C2CD5: variants seen among roughly 807,000 people sequenced by gnomAD.
The protein encoded by C2CD5 is C2 calcium dependent domain containing 5, also known as C2 domain-containing protein 5.
A neutral mutation model predicts 130.3 loss-of-function variants in C2CD5; 109 were observed. That is an observed-to-expected ratio of 0.84 (90% CI 0.72 to 0.98). The LOEUF (loss-of-function observed/expected upper bound fraction) is 0.98. Ranked by LOEUF, C2CD5 falls within the 50% of genes least tolerant of loss-of-function variation. The pLI is 0.00. For missense variants in C2CD5, 996 were observed against 1,261.8 expected (o/e 0.79, Z 3.19); for synonymous variants, 454 against 429.2 (o/e 1.06, Z -0.71).
At chr12:22,511,486 C>T (rs1949189435) in intron 9 of C2CD5, among the ~76,000 whole-genome samples, 1 of 152,140 alleles carries the variant, frequency 6.6e-6, no homozygotes, top group South Asian at 2.1e-4. Flanking sequence ...TAAGTAACTG[C>T]TACTTCGAGG....
chr12:22,534,687 T>A (rs963096395), intron 3 of C2CD5: 1 of 152,514 alleles, frequency 6.6e-6, no homozygotes, highest in African/African-American at 2.4e-5. Flanking sequence ...ACAAGTATTA[T>A]ATGACTCCAT....
intron 25 of C2CD5, among the ~76,000 whole-genome samples, chr12:22,454,388 T>C (rs1939358246): frequency 6.6e-6 from 1 of 152,170 alleles, no homozygotes; most frequent in Admixed American, 6.5e-5. Flanking sequence ...CATATCATGC[T>C]CATCATCATT....
At chr12:22,468,070 CTT>C (rs78542498) in intron 22 of C2CD5, among the ~76,000 whole-genome samples, 67 of 120,564 alleles carry the variant, frequency 5.6e-4, no homozygotes, top group Non-Finnish European at 8.4e-4. Flanking sequence ...GGTTTTAGGG[CTT>C]TTTTTTTTTT....
chr12:22,519,848 T>C (rs1950109040), intron 7 of C2CD5, among the ~76,000 whole-genome samples: 1 of 152,028 alleles, frequency 6.6e-6, no homozygotes, highest in Admixed American at 6.5e-5. Flanking sequence ...ATATATAGCT[T>C]AAAATCAGGT....
At chr12:22,469,096 C>A (rs147104312) in intron 22 of C2CD5, among the ~76,000 whole-genome samples, 2,492 of 151,900 alleles carry the variant, frequency 0.016, 72 homozygotes, top group African/African-American at 0.058. Context: ...AAAACAATAC[C>A]TCCCACTTTT....
intron 3 of C2CD5, among the ~76,000 whole-genome samples, chr12:22,533,725 G>C (rs754849755): frequency 2.0e-5 from 3 of 152,206 alleles, no homozygotes; most frequent in Non-Finnish European, 4.4e-5. Flanking sequence ...GAGGAGATGG[G>C]AGGCTCTCCT....
At chr12:22,486,518 A>G (rs956231256) in intron 12 of C2CD5, among the ~76,000 whole-genome samples, 2 of 152,172 alleles carry the variant, frequency 1.3e-5, no homozygotes, top group African/African-American at 4.8e-5. Flanking sequence ...AATAAATACA[A>G]CTGCTGAGGA....
At chr12:22,450,084 G>C (rs1031801125) in intron 26 of C2CD5, among the ~76,000 whole-genome samples, 193 bp from the exon 27 acceptor site, 3 of 152,104 alleles carry the variant, frequency 2.0e-5, no homozygotes, top group Admixed American at 6.6e-5. Context: ...AGGAGCTCCT[G>C]TGAACATATG....
chr12:22,518,182 G>A, intron 7 of C2CD5, 45 bp from the exon 8 acceptor site: 1 of 1,573,830 alleles, frequency 6.4e-7, no homozygotes. Flanking sequence ...ATGTGCCAAA[G>A]GACTTGACAG....
chr12:22,529,959 A>G (rs1329002831), intron 3 of C2CD5, among the ~76,000 whole-genome samples: 1 of 151,724 alleles, frequency 6.6e-6, no homozygotes, highest in East Asian at 1.9e-4. Context: ...CTATGTATAG[A>G]TGATGGAGTC....
chr12:22,494,386 A>G (rs1475075734), intron 10 of C2CD5, among the ~76,000 whole-genome samples: 1 of 152,116 alleles, frequency 6.6e-6, no homozygotes, highest in Admixed American at 6.6e-5. Flanking sequence ...ATTGCAGTAT[A>G]TATCCAATTT....
intron 14 of C2CD5, among the ~76,000 whole-genome samples, chr12:22,481,134 G>A (rs889746622): frequency 9.2e-5 from 14 of 152,026 alleles, no homozygotes; most frequent in Non-Finnish European, 1.6e-4. Flanking sequence ...TATGAACCAA[G>A]TTACCTAATT....
chr12:22,476,098 G>C (rs747744076), intron 15 of C2CD5, among the ~76,000 whole-genome samples: 61 of 152,260 alleles, frequency 4.0e-4, no homozygotes, highest in Non-Finnish European at 7.2e-4. Flanking sequence ...GTTATTCTGA[G>C]AGATGTGCAT....
chr12:22,507,624 C>A (rs17339766), intron 9 of C2CD5, among the ~76,000 whole-genome samples: 12,870 of 152,116 alleles, frequency 0.085, 869 homozygotes, highest in Admixed American at 0.18. Flanking sequence ...AATAAGAAAA[C>A]GGAGCTCCTG....
Position 22,471,436 on chromosome 12 carries a change from T to C in C2CD5, c.2321A>G (p.Asn774Ser), listed in dbSNP as rs781732179. The C allele has an allele frequency of 3.8e-6, 6 of 1,599,456 alleles. No individual in the cohort carries two copies. Among genetic ancestry groups the C allele is most frequent in the South Asian group, 3.3e-5 (3 of 90,366 alleles). ...SMIPCCLCHV[N>S]FTVSLPEDEL... ...ATCTTCAGGCAGAGATACTGTAAAA[T>C]TTACATGGCAAAGGCAGCAGGGGAT... Residue 774 changes from asparagine (N) to serine (S), a missense_variant, in exon 20 of 27, where the codon AAT (asparagine) becomes AGT (serine). By Grantham distance (46) the Asn-to-Ser change is conservative (BLOSUM62 1). Coordinates refer to ENST00000446597, the MANE Select transcript of C2CD5 (RefSeq NM_001286176.2).
intron 6 of C2CD5, among the ~76,000 whole-genome samples, chr12:22,524,162 T>C (rs1488444734): frequency 6.6e-6 from 1 of 152,054 alleles, no homozygotes; most frequent in Non-Finnish European, 1.5e-5. Flanking sequence ...GACAAATAAA[T>C]GGTAGATGAA....
At chr12:22,534,858 A>C (rs971519191) in intron 3 of C2CD5, 1 of 155,808 alleles carries the variant, frequency 6.4e-6, no homozygotes, top group Non-Finnish European at 1.4e-5. Flanking sequence ...TGATGGTAGC[A>C]AAACACTGTG....
At chr12:22,454,276 G>A (rs900496163) in intron 25 of C2CD5, among the ~76,000 whole-genome samples, 11 of 152,148 alleles carry the variant, frequency 7.2e-5, no homozygotes, top group African/African-American at 1.4e-4. Context: ...ACTGAAGCCC[G>A]GAGAATTTGT....
chr12:22,458,758 A>G (rs1435180239), intron 23 of C2CD5, 173 bp from the exon 24 acceptor site: 6 of 355,950 alleles, frequency 1.7e-5, no homozygotes, highest in Non-Finnish European at 3.0e-5. Context: ...TTAGACACTG[A>G]TTTGTCCAAA....
Sources: allele counts gnomAD v4.1 joint callset (sites outside exome capture counted in the v4.1 genomes callset), GRCh38; gene constraint gnomAD v4.1.1; transcripts MANE v1.5; gene names NCBI Gene and HGNC (gene_info 2026-07-23, HGNC 2026-07-21).